Variants in SULF2 observed in about 807,000 individuals in gnomAD.
The protein encoded by SULF2 is sulfatase 2.
In SULF2, 52 loss-of-function variants were observed where a neutral mutation model predicts 107.7. The observed-to-expected ratio is 0.48, with a 90% CI of 0.39 to 0.61. The LOEUF (loss-of-function observed/expected upper bound fraction) is 0.61, where lower values mean the gene tolerates loss of function less well. Among genes scored for constraint, SULF2 ranks in the 20% least tolerant of loss-of-function variants. The pLI, the probability that SULF2 is intolerant of heterozygous loss-of-function variation, is 0.00. For missense variants in SULF2, 993 were observed against 1,177.3 expected, an observed-to-expected ratio of 0.84 and a Z score of 2.29; for synonymous variants, 460 against 464.3, an observed-to-expected ratio of 0.99 and a Z score of 0.12.
chr20:47,678,798 G>A lies in SULF2; in HGVS notation c.1071C>T (p.Pro357=). ...CCAGGTCAATGTTGAGGACGATGTG[G>A]GGATTCCTGGGGGAGGCAGGAGATC... ...GPNVEAGCLN[P]HIVLNIDLAP... The change falls in exon 8 of 21, where the codon CCC becomes CCT. Residue 357 remains proline (P), a synonymous_variant. Transcript: ENST00000688720. The surrounding 1 kb of genome is among the most constrained non-coding windows in gnomAD (Gnocchi z 4.5). The A allele has an allele frequency of 6.2e-7, 1 of 1,613,220 alleles. No homozygotes were observed. Among genetic ancestry groups the A allele is most frequent in the South Asian group, 1.1e-5 (1 of 91,040 alleles).
At chr20:47,769,101 G>A (rs1020177339) in intron 1 of SULF2, among the ~76,000 whole-genome samples, 4 of 150,760 alleles carry the variant, frequency 2.7e-5, no homozygotes, top group South Asian at 2.1e-4. Context: ...GTGCAGTAGC[G>A]TGATCTCAGC....
At chr20:47,785,185 G>A (rs1357434752) in intron 1 of SULF2, among the ~76,000 whole-genome samples, 158 bp downstream of exon 1, 1 of 132,398 alleles carries the variant, frequency 7.6e-6, no homozygotes, top group Non-Finnish European at 1.6e-5. Flanking sequence ...ACCTCCGCAA[G>A]CAGCGCTGGG....
At chr20:47,747,375 T>C (rs1055519816) in intron 2 of SULF2, among the ~76,000 whole-genome samples, 1 of 152,164 alleles carries the variant, frequency 6.6e-6, no homozygotes, top group Non-Finnish European at 1.5e-5. Flanking sequence ...AGTTAATTTT[T>C]TCTCCGTTGC....
chr20:47,663,266 G>T, intron 16 of SULF2, 54 bp from the exon 17 acceptor site: 1 of 1,608,180 alleles, frequency 6.2e-7, no homozygotes, highest in Non-Finnish European at 8.5e-7. Context: ...GGCCCCATCT[G>T]CCAACAGTGA....
intron 1 of SULF2, among the ~76,000 whole-genome samples, chr20:47,780,850 G>A (rs1009782108): frequency 6.6e-6 from 1 of 152,208 alleles, no homozygotes; most frequent in Non-Finnish European, 1.5e-5. Flanking sequence ...CAGCACGCCA[G>A]GCCTAGAGCA....
At position 47,665,854 on chromosome 20, in the gene SULF2, C is replaced by G; in HGVS notation, c.1902+3G>C. The G allele has an allele frequency of 6.2e-7, 1 of 1,613,596 alleles. No individual in the cohort carries two copies. Reference sequence around the variant, plus strand: ...GCATGCTCCTCTCCCGCTCTCCACTCACCTCGTGGTCGATGTGCAGCTTGT... The same window carrying G: ...GCATGCTCCTCTCCCGCTCTCCACTGACCTCGTGGTCGATGTGCAGCTTGT... On this transcript the variant is annotated splice_donor_region_variant and intron_variant, in intron 13 of 20. Coordinates refer to ENST00000688720, the MANE Select transcript of SULF2 (RefSeq NM_001387048.1).
intron 7 of SULF2, among the ~76,000 whole-genome samples, chr20:47,681,423 TCA>T (rs1376087804): frequency 6.6e-6 from 1 of 152,166 alleles, no homozygotes; most frequent in Non-Finnish European, 1.5e-5. Flanking sequence ...ATGAGTCAGA[TCA>T]CAGATTCCGA....
chr20:47,660,434 C>T (rs1056484567), intron 18 of SULF2, among the ~76,000 whole-genome samples: 2 of 152,264 alleles, frequency 1.3e-5, no homozygotes, highest in South Asian at 2.1e-4. Flanking sequence ...CCGACGGTAG[C>T]GTCTGAATTC....
In SULF2 at chr20:47,677,063, G is replaced by C; in HGVS notation, c.1250+15C>G. ...GAGGTGGGCAGGGGTGTCCCTCCCA[G>C]GACCCGGCACTCACCCTCTCTCCAC... On this transcript the variant is annotated intron_variant, in intron 9 of 20. Coordinates refer to ENST00000688720, the MANE Select transcript of SULF2 (RefSeq NM_001387048.1). The C allele has an allele frequency of 6.2e-7, 1 of 1,613,360 alleles. No individual in the cohort carries two copies. The highest frequency in any genetic ancestry group is 1.7e-5 in the Admixed American group (1 of 59,952).
intron 3 of SULF2, among the ~76,000 whole-genome samples, chr20:47,730,553 T>C (rs6125091): frequency 0.42 from 63,491 of 151,876 alleles, 16,425 homozygotes; most frequent in African/African-American, 0.73. Flanking sequence ...TGGGTTCAAG[T>C]GATTCTCATA....
intron 3 of SULF2, among the ~76,000 whole-genome samples, chr20:47,712,357 T>A (rs1178600535): frequency 6.6e-6 from 1 of 152,236 alleles, no homozygotes; most frequent in Non-Finnish European, 1.5e-5. Context: ...CTGGGACGCC[T>A]GCCTCCTCCT....
At chr20:47,735,363 A>G (rs1290883041) in intron 3 of SULF2, among the ~76,000 whole-genome samples, 1 of 152,228 alleles carries the variant, frequency 6.6e-6, no homozygotes, top group Non-Finnish European at 1.5e-5. Flanking sequence ...GTGCCGGCAT[A>G]TTTTAAAATA....
chr20:47,697,513 C>T (rs1188375381), intron 4 of SULF2, among the ~76,000 whole-genome samples: 1 of 152,204 alleles, frequency 6.6e-6, no homozygotes, highest in Non-Finnish European at 1.5e-5. Flanking sequence ...GGCTGGAAAC[C>T]CCGGGCTCAC....
rs566127782 is a variant in SULF2 at position 47,764,523 on chromosome 20, C to A, written c.-100-7060G>T. 8.5e-5 allele frequency among the ~76,000 whole-genome samples: 13 copies of A among 152,322 alleles called. No homozygotes were observed. The South Asian group carries it at 2.7e-3, about 32-fold the overall frequency. ...AGCCAATCAGCAATTCCAGCTCTAGCTTCAGCGATTGGTCCTGGGGCAGAC... is the reference window on the plus strand; with the variant it reads ...AGCCAATCAGCAATTCCAGCTCTAGATTCAGCGATTGGTCCTGGGGCAGAC... On this transcript the variant is annotated intron_variant, in intron 1 of 20. Transcript: ENST00000688720.
chr20:47,781,130 C>T (rs2122730996), intron 1 of SULF2, among the ~76,000 whole-genome samples: 1 of 152,380 alleles, frequency 6.6e-6, no homozygotes, highest in South Asian at 2.1e-4. Flanking sequence ...CAAGGCCAGG[C>T]CCCATCCTTC....
At chr20:47,703,514 C>T (rs1281709900) in intron 3 of SULF2, among the ~76,000 whole-genome samples, 1 of 152,172 alleles carries the variant, frequency 6.6e-6, no homozygotes, top group South Asian at 2.1e-4. Context: ...TGGGCAACAC[C>T]TAGTATGGGT....
chr20:47,712,891 C>T (rs1365621470), intron 3 of SULF2, among the ~76,000 whole-genome samples: 1 of 152,092 alleles, frequency 6.6e-6, no homozygotes, highest in Non-Finnish European at 1.5e-5. Context: ...AAAAATTAGC[C>T]AGGTGTGGTG....
intron 16 of SULF2, 75 bp from the exon 17 acceptor site, chr20:47,663,287 G>A: frequency 6.3e-7 from 1 of 1,599,802 alleles, no homozygotes; most frequent in Non-Finnish European, 8.5e-7. Flanking sequence ...TTCCTGTCAG[G>A]GACAGCCCCT....
chr20:47,691,991 C>T (rs1240664237), intron 4 of SULF2, among the ~76,000 whole-genome samples: 1 of 152,158 alleles, frequency 6.6e-6, no homozygotes, highest in Admixed American at 6.5e-5. Context: ...GCCTCCATCT[C>T]CCAGGCTCAA....
Sources: allele counts gnomAD v4.1 joint callset (sites outside exome capture counted in the v4.1 genomes callset), GRCh38; gene constraint gnomAD v4.1.1; non-coding constraint Gnocchi (gnomAD v3.1); transcripts MANE v1.5; gene names NCBI Gene and HGNC (gene_info 2026-07-23, HGNC 2026-07-21).